TSPAN5: variants seen among roughly 807,000 people sequenced by gnomAD.
TSPAN5 encodes tetraspanin-5.
Under a neutral mutation model 37.1 loss-of-function variants are expected in TSPAN5, and 10 were observed. The observed-to-expected ratio is 0.27, with a 90% CI of 0.17 to 0.46. The LOEUF (loss-of-function observed/expected upper bound fraction) is 0.46. Ranked by LOEUF, TSPAN5 falls within the 20% of genes least tolerant of loss-of-function variation. The probability of loss-of-function intolerance (pLI) is 1.00; values close to 1 mark genes in which losing one functional copy is unlikely to be tolerated. For synonymous variants in TSPAN5, 110 were observed against 118.9 expected (o/e 0.93, Z 0.48); for missense variants, 195 against 326.6 (o/e 0.60, Z 3.11).
intron 1 of TSPAN5, among the ~76,000 whole-genome samples, chr4:98,543,592 G>T (rs13141738): frequency 6.6e-6 from 1 of 150,378 alleles, no homozygotes; most frequent in South Asian, 2.1e-4. Flanking sequence ...ATTTTTTTTT[G>T]TATTTTTAGC....
Position 98,507,741 on chromosome 4 carries a change from G to T in TSPAN5, c.82-13C>A. The T allele has an allele frequency of 6.2e-7, 1 of 1,602,942 alleles. No individual in the cohort carries two copies. ...TTATTCCCAAAAACTGAAAAAGAAA[G>T]AAAGCAGTGTAAATATAAGGGAAAA... On this transcript the variant is annotated splice_polypyrimidine_tract_variant and intron_variant, in intron 1 of 7. Transcript: ENST00000305798.
At chr4:98,626,571 G>A (rs1279198949) in intron 1 of TSPAN5, among the ~76,000 whole-genome samples, 6 of 151,696 alleles carry the variant, frequency 4.0e-5, no homozygotes, top group South Asian at 2.1e-4. Context: ...CCACCAGACC[G>A]CCTCCTCCTC....
At chr4:98,619,898 C>T (rs1426521779) in intron 1 of TSPAN5, among the ~76,000 whole-genome samples, 1 of 152,170 alleles carries the variant, frequency 6.6e-6, no homozygotes, top group Non-Finnish European at 1.5e-5. Context: ...CTTCCCCAGC[C>T]TCAGTTATAA....
At chr4:98,568,854 G>C (rs1386324569) in intron 1 of TSPAN5, among the ~76,000 whole-genome samples, 1 of 152,184 alleles carries the variant, frequency 6.6e-6, no homozygotes, top group Non-Finnish European at 1.5e-5. Context: ...AGAAGGGCTT[G>C]GTCAGATTTG....
intron 1 of TSPAN5, among the ~76,000 whole-genome samples, chr4:98,613,933 A>G (rs896030809): frequency 1.3e-5 from 2 of 152,080 alleles, no homozygotes; most frequent in African/African-American, 4.8e-5. Flanking sequence ...AGCACAACCA[A>G]TTATCACTTC....
intron 1 of TSPAN5, among the ~76,000 whole-genome samples, chr4:98,513,817 A>G (rs1753666193): frequency 6.6e-6 from 1 of 152,164 alleles, no homozygotes; most frequent in African/African-American, 2.4e-5. Flanking sequence ...TTAAAAATAT[A>G]CATATATTTC....
At chr4:98,553,698 C>CTT (rs1754670742) in intron 1 of TSPAN5, among the ~76,000 whole-genome samples, 2 of 152,056 alleles carry the variant, frequency 1.3e-5, no homozygotes, top group South Asian at 4.1e-4. Context: ...AATGACCAAC[C>CTT]ACCAGCTTGG....
At chr4:98,571,478 A>G (rs1245402715) in intron 1 of TSPAN5, among the ~76,000 whole-genome samples, 1 of 149,284 alleles carries the variant, frequency 6.7e-6, no homozygotes, top group African/African-American at 2.5e-5. Flanking sequence ...CAAATTTACA[A>G]TGTTAGTATA....
intron 1 of TSPAN5, among the ~76,000 whole-genome samples, chr4:98,511,168 G>A (rs1274848462): frequency 6.6e-6 from 1 of 152,184 alleles, no homozygotes; most frequent in East Asian, 1.9e-4. Context: ...GGCAATATAT[G>A]CAAATGTACA....
rs34869992 is a variant in TSPAN5, at chr4:98,655,159, T to A, written c.81+2987A>T. On this transcript the variant is annotated intron_variant, in intron 1 of 7. Transcript: ENST00000305798. ...CGCGCCCAGCCTTGGTTTTTTTTTG[T>A]TTTTGTTTTTTGTTTTTTGTTTGTT... is the stretch of plus-strand genomic sequence containing the variant. 4.6e-5 allele frequency among the ~76,000 whole-genome samples: 7 copies of A among 151,948 alleles called. No homozygotes were observed. The East Asian group carries it at 1.4e-3, about 29-fold the overall frequency.
chr4:98,533,054 G>A (rs939454966), intron 1 of TSPAN5, among the ~76,000 whole-genome samples: 3 of 152,142 alleles, frequency 2.0e-5, no homozygotes, highest in African/African-American at 4.8e-5. Flanking sequence ...TCATCGTGGT[G>A]GATAAGCTTT....
chr4:98,530,268 C>A (rs886678195), intron 1 of TSPAN5, among the ~76,000 whole-genome samples: 2 of 152,164 alleles, frequency 1.3e-5, no homozygotes, highest in East Asian at 3.8e-4. Context: ...ATGAAATGTC[C>A]CCTAGACACT....
chr4:98,562,323 G>C (rs1396919115), intron 1 of TSPAN5, among the ~76,000 whole-genome samples: 2 of 152,106 alleles, frequency 1.3e-5, no homozygotes, highest in African/African-American at 2.4e-5. Flanking sequence ...TCAGGAGAGA[G>C]GAGATGAAAA....
chr4:98,521,327 G>A (rs1457079480), intron 1 of TSPAN5, among the ~76,000 whole-genome samples: 1 of 152,184 alleles, frequency 6.6e-6, no homozygotes, highest in African/African-American at 2.4e-5. Context: ...TACAGAGCAA[G>A]GGTCAGGGAG....
intron 2 of TSPAN5, among the ~76,000 whole-genome samples, chr4:98,495,833 C>T (rs1317071347): frequency 6.6e-6 from 1 of 151,926 alleles, no homozygotes; most frequent in Non-Finnish European, 1.5e-5. Flanking sequence ...TTCTCGCAAC[C>T]CACACAGAAA....
chr4:98,540,200 AT>A (rs914187468), intron 1 of TSPAN5, among the ~76,000 whole-genome samples: 1 of 152,220 alleles, frequency 6.6e-6, no homozygotes, highest in African/African-American at 2.4e-5. Flanking sequence ...AGATTTTCAA[AT>A]TCTTTCTTGA....
chr4:98,479,769 A>G (rs1203134473), intron 4 of TSPAN5, among the ~76,000 whole-genome samples: 1 of 152,160 alleles, frequency 6.6e-6, no homozygotes, highest in Non-Finnish European at 1.5e-5. Flanking sequence ...CTGCTGACTA[A>G]TATCTTGCTA....
chr4:98,504,299 C>G (rs549596478), intron 2 of TSPAN5, among the ~76,000 whole-genome samples: 6 of 152,306 alleles, frequency 3.9e-5, no homozygotes, highest in African/African-American at 1.2e-4. Flanking sequence ...GTCAGCTCAG[C>G]AGGTGCAGTG....
intron 1 of TSPAN5, among the ~76,000 whole-genome samples, chr4:98,613,120 G>A (rs565132670): frequency 6.3e-4 from 93 of 146,728 alleles, no homozygotes; most frequent in African/African-American, 2.3e-3. Context: ...CAACACATCT[G>A]GGTTGAGGGC....
Sources: allele counts gnomAD v4.1 joint callset (sites outside exome capture counted in the v4.1 genomes callset), GRCh38; gene constraint gnomAD v4.1.1; transcripts MANE v1.5; gene names NCBI Gene and HGNC (gene_info 2026-07-23, HGNC 2026-07-21).